Variants in MAGI2 observed in about 807,000 individuals in gnomAD.
MAGI2 encodes the protein membrane associated guanylate kinase, WW and PDZ domain containing 2.
MAGI2 carries 35 observed loss-of-function variants against 133.3 expected under a neutral mutation model. The observed-to-expected ratio is 0.26, with a 90% CI of 0.20 to 0.35. The LOEUF is 0.35. Among genes scored for constraint, MAGI2 ranks in the 10% least tolerant of loss-of-function variants. The pLI is 1.00. For missense variants in MAGI2, 1,636 were observed against 1,863.4 expected (o/e 0.88, Z 2.25); for synonymous variants, 729 against 710.6 (o/e 1.03, Z -0.41).
At chr7:78,269,684 G>T (rs1243676263) in intron 9 of MAGI2, among the ~76,000 whole-genome samples, 1 of 152,092 alleles carries the variant, frequency 6.6e-6, no homozygotes, top group African/African-American at 2.4e-5. Context: ...TTTGTCAGAT[G>T]GATAGATTGC....
At position 78,889,573 on chromosome 7, in the gene MAGI2, T is replaced by C. The variant is rs540311906; in HGVS notation, c.418+117517A>G. Among the ~76,000 whole-genome samples the C allele has an allele frequency of 1.3e-5, 2 of 152,280 alleles. 1 individual carries two copies. Among genetic ancestry groups the C allele is most frequent in the South Asian group, 4.1e-4 (2 of 4,822 alleles). ...GCCAGAAGACAGTGGGGACCAATAT[T>C]TAACATTCTTAAAGAAAAGAATTTT... On this transcript the variant is annotated intron_variant, in intron 2 of 21. Coordinates refer to ENST00000354212, the MANE Select transcript of MAGI2 (RefSeq NM_012301.4).
chr7:78,851,270 T>G (rs1793112786), intron 2 of MAGI2, among the ~76,000 whole-genome samples: 1 of 152,102 alleles, frequency 6.6e-6, no homozygotes, highest in South Asian at 2.1e-4. Flanking sequence ...CAAGCATATC[T>G]TAACCACAAA....
At chr7:78,631,968 T>A (rs1809055639) in intron 2 of MAGI2, among the ~76,000 whole-genome samples, 1 of 152,234 alleles carries the variant, frequency 6.6e-6, no homozygotes, top group Non-Finnish European at 1.5e-5. Context: ...ATAGGGCTAA[T>A]GTGAGGAACA....
intron 2 of MAGI2, among the ~76,000 whole-genome samples, chr7:78,655,738 T>G (rs12539812): frequency 0.27 from 41,657 of 151,878 alleles, 6,072 homozygotes; most frequent in Admixed American, 0.32. Context: ...TCCCAGCACT[T>G]TGGGAGGCCG....
intron 6 of MAGI2, among the ~76,000 whole-genome samples, chr7:78,404,888 C>T (rs563506469): frequency 2.0e-5 from 3 of 152,266 alleles, no homozygotes; most frequent in South Asian, 2.1e-4. Context: ...AGGCAACCTA[C>T]AGAATGGGAG....
chr7:79,066,031 G>A (rs2117109829), intron 1 of MAGI2, among the ~76,000 whole-genome samples: 1 of 152,260 alleles, frequency 6.6e-6, no homozygotes, highest in East Asian at 1.9e-4. Flanking sequence ...ACACGTGTAT[G>A]TGTCTTTATA....
intron 1 of MAGI2, among the ~76,000 whole-genome samples, chr7:79,038,561 C>T (rs566304483): frequency 2.6e-5 from 4 of 152,188 alleles, no homozygotes; most frequent in African/African-American, 9.6e-5. Flanking sequence ...GCTTTGTATT[C>T]CCTTACTTGT....
intron 10 of MAGI2, among the ~76,000 whole-genome samples, chr7:78,241,087 T>C (rs961795270): frequency 6.6e-6 from 1 of 152,036 alleles, no homozygotes; most frequent in Non-Finnish European, 1.5e-5. Context: ...GTTTTGCTCA[T>C]TGCCGTATTT....
At chr7:78,142,089 G>C (rs760842672) in intron 16 of MAGI2, among the ~76,000 whole-genome samples, 1 of 152,082 alleles carries the variant, frequency 6.6e-6, no homozygotes, top group Non-Finnish European at 1.5e-5. Context: ...TTGTTGTTTG[G>C]AAACATTTGA....
intron 16 of MAGI2, among the ~76,000 whole-genome samples, chr7:78,148,469 T>C (rs368985273): frequency 1.1e-4 from 16 of 152,174 alleles, no homozygotes; most frequent in East Asian, 7.7e-4. Context: ...CTTTACTATA[T>C]AGAAATTAAA....
rs563654887 is a variant in MAGI2 at position 78,602,075 on chromosome 7, T to C, written c.538+25045A>G. ...ATTTCAGAAGTCTACTATTTCAGCT[T>C]TTCTGGCCCAAGCTCTGGAACAATT... On this transcript the variant is annotated intron_variant, in intron 3 of 21. Transcript: ENST00000354212. Among the ~76,000 whole-genome samples, 24 of 152,320 alleles carry C rather than the reference T, an allele frequency of 1.6e-4. No homozygotes were observed. The South Asian group carries it at 4.1e-3, about 26-fold the overall frequency.
At chr7:78,940,610 A>AAGCAAC (rs1181389488) in intron 2 of MAGI2, 5 of 152,210 alleles carry the variant, frequency 3.3e-5, no homozygotes, top group African/African-American at 1.2e-4. Context: ...AGGAGAAAAG[A>AAGCAAC]AGCAACAGCA....
intron 1 of MAGI2, among the ~76,000 whole-genome samples, chr7:79,244,391 C>T (rs1832663539): frequency 6.6e-6 from 1 of 152,184 alleles, no homozygotes; most frequent in Non-Finnish European, 1.5e-5. Flanking sequence ...GCTGACACTA[C>T]CCCTCTCCCA....
At chr7:78,121,219 A>G (rs2150498541) in intron 20 of MAGI2, among the ~76,000 whole-genome samples, 1 of 146,380 alleles carries the variant, frequency 6.8e-6, no homozygotes, top group East Asian at 2.0e-4. Context: ...AAGACACAGA[A>G]AGCAGAAACT....
chr7:79,318,880 T>C (rs1458404320), intron 1 of MAGI2, among the ~76,000 whole-genome samples: 1 of 152,180 alleles, frequency 6.6e-6, no homozygotes, highest in Non-Finnish European at 1.5e-5. Flanking sequence ...ACTCTCTCTG[T>C]ATATGAATTA....
chr7:78,158,238 T>A (rs1824588581), intron 16 of MAGI2: 1 of 152,176 alleles, frequency 6.6e-6, no homozygotes, highest in Non-Finnish European at 1.5e-5. Flanking sequence ...TTTATTTTCG[T>A]GTTTCCATAC....
chr7:78,132,568 G>A lies in MAGI2; in HGVS notation c.3203+321C>T, dbSNP rs145876733. Among the ~76,000 whole-genome samples the A allele has an allele frequency of 3.2e-3, 483 of 152,332 alleles. 1 individual carries two copies. Among genetic ancestry groups the A allele is most frequent in the Non-Finnish European group, 5.0e-3 (338 of 68,026 alleles). On this transcript the variant is annotated intron_variant, in intron 18 of 21. Transcript: ENST00000354212. ...TCCATCGTGCATACTGCAGGCTTGC[G>A]CCTGCCAGGGGGCCTCTGAGTAAGT...
chr7:78,655,040 C>A (rs1385328918), intron 2 of MAGI2, among the ~76,000 whole-genome samples: 2 of 151,578 alleles, frequency 1.3e-5, no homozygotes, highest in Non-Finnish European at 2.9e-5. Flanking sequence ...ACCTCATTTA[C>A]CCTGATGTGA....
intron 2 of MAGI2, among the ~76,000 whole-genome samples, chr7:78,877,770 C>T (rs1795541896): frequency 6.6e-6 from 1 of 152,144 alleles, no homozygotes; most frequent in Non-Finnish European, 1.5e-5. Flanking sequence ...ACCCATCTCT[C>T]CCCTCCACAC....
Sources: gnomAD v4.1 joint callset for allele counts (sites outside exome capture counted in the v4.1 genomes callset) on GRCh38, gnomAD v4.1.1 for gene constraint, MANE v1.5 for transcripts, NCBI Gene and HGNC (gene_info 2026-07-23, HGNC 2026-07-21) for gene names.